Variants in ME1 observed in about 807,000 individuals in gnomAD.
ME1 encodes NADP-dependent malic enzyme.
In ME1, 74 loss-of-function variants were observed where a neutral mutation model predicts 66.4. The ratio of observed to expected loss-of-function variants is 1.11; its 90% CI spans 0.92 to 1.35. The LOEUF is 1.35. ME1 is among the 40% of genes most tolerant of loss of function. The pLI is 0.00. For synonymous variants in ME1, 251 were observed against 235.6 expected (o/e 1.07, Z -0.60); for missense variants, 750 against 694.1 (o/e 1.08, Z -0.90).
chr6:83,305,024 G>A (rs946264410), intron 6 of ME1, among the ~76,000 whole-genome samples: 5 of 152,092 alleles, frequency 3.3e-5, no homozygotes, highest in Admixed American at 3.3e-4. Flanking sequence ...ACCATGTGCT[G>A]ATGGCTCTCC....
intron 1 of ME1, 67 bp downstream of exon 1, chr6:83,430,810 C>T: frequency 7.2e-7 from 1 of 1,382,572 alleles, no homozygotes; most frequent in Non-Finnish European, 1.0e-6. Context: ...GGTGCGGGGA[C>T]CTGCAAGAGG....
chr6:83,225,534 T>G (rs1443261194), intron 11 of ME1, among the ~76,000 whole-genome samples: 1 of 152,056 alleles, frequency 6.6e-6, no homozygotes, highest in East Asian at 1.9e-4. Flanking sequence ...ATATACCTTT[T>G]AGTTGTTCTT....
chr6:83,312,606 G>A (rs1195631191), intron 6 of ME1, among the ~76,000 whole-genome samples: 8 of 152,154 alleles, frequency 5.3e-5, no homozygotes, highest in Admixed American at 3.9e-4. Context: ...AGGTTGATGG[G>A]CAGAAATTAG....
intron 9 of ME1, among the ~76,000 whole-genome samples, chr6:83,235,167 AG>A (rs1289294186): frequency 1.2e-4 from 19 of 152,168 alleles, no homozygotes; most frequent in African/African-American, 4.6e-4. Context: ...TATCTTCCTC[AG>A]TACTCCCATC....
intron 6 of ME1, among the ~76,000 whole-genome samples, chr6:83,270,585 T>C (rs12190680): frequency 0.071 from 10,737 of 152,108 alleles, 467 homozygotes; most frequent in Admixed American, 0.097. Flanking sequence ...ACTGGGATTT[T>C]GCAAAAATAG....
At chr6:83,310,595 A>G (rs1767912110) in intron 6 of ME1, among the ~76,000 whole-genome samples, 2 of 152,142 alleles carry the variant, frequency 1.3e-5, no homozygotes, top group African/African-American at 4.8e-5. Context: ...CTGGTAGAAG[A>G]TGGAGCACAT....
intron 9 of ME1, among the ~76,000 whole-genome samples, chr6:83,236,789 G>A (rs77275992): frequency 2.0e-3 from 308 of 152,230 alleles, no homozygotes; most frequent in Non-Finnish European, 3.8e-3. Flanking sequence ...GTAAAGGGTA[G>A]CTATTTCATT....
intron 3 of ME1, among the ~76,000 whole-genome samples, chr6:83,380,173 T>C (rs765140528): frequency 5.3e-5 from 8 of 152,010 alleles, no homozygotes; most frequent in Non-Finnish European, 1.0e-4. Context: ...GAAAAGAAAG[T>C]CAGTTACTAC....
chr6:83,290,336 C>T (rs1350734869), intron 6 of ME1, among the ~76,000 whole-genome samples: 4 of 152,066 alleles, frequency 2.6e-5, no homozygotes, highest in African/African-American at 9.7e-5. Flanking sequence ...TGTCTTTGTT[C>T]TAGTTGGTTT....
In ME1 at chr6:83,223,777, A is replaced by G. The variant is rs1455828177; in HGVS notation, c.1432T>C (p.Phe478Leu). ...TACAATACCTCAGCAGTAGTGAGGA[A>G]AATATTATCTGTGATCTGCCTCAAT... ...CGLRQITDNI[F>L]LTTAEVIAQQ... The change falls in exon 12 of 14, where the codon TTC becomes CTC. Residue 478 changes from phenylalanine to leucine, a missense_variant. By Grantham distance (22) the Phe-to-Leu change is conservative (BLOSUM62 0). Transcript: ENST00000369705. 2 of 1,613,636 alleles carry G rather than the reference A, an allele frequency of 1.2e-6. No individual in the cohort carries two copies. The highest frequency in any genetic ancestry group is 1.7e-6 in the Non-Finnish European group (2 of 1,179,754).
At chr6:83,315,715 C>G (rs1373263320) in intron 5 of ME1, among the ~76,000 whole-genome samples, 3 of 152,016 alleles carry the variant, frequency 2.0e-5, no homozygotes, top group Non-Finnish European at 2.9e-5. Flanking sequence ...TGGGTAACAA[C>G]AGTGAAACCC....
chr6:83,327,008 G>C lies in ME1; in HGVS notation c.601-11595C>G, dbSNP rs576205907. 3.3e-5 allele frequency among the ~76,000 whole-genome samples: 5 copies of C among 152,280 alleles called. No individual in the cohort carries two copies. The East Asian group carries it at 9.7e-4, about 29-fold the overall frequency. On this transcript the variant is annotated intron_variant, in intron 5 of 13. Coordinates refer to ENST00000369705, the MANE Select transcript of ME1 (RefSeq NM_002395.6). ...TAGACATTTATTAGTTCCCCAAATT[G>C]ATACTTTTATAATTTCTTATGCCTG...
In ME1 at chr6:83,280,198, A is replaced by G. The variant is rs1767261868; in HGVS notation, c.705-26460T>C. On this transcript the variant is annotated intron_variant, in intron 6 of 13. Transcript: ENST00000369705. ...AGGAAGAGCATTAGAGAAGAAATAC[A>G]TTAAGGTAAAATAAAATATTTTTCT... 2.0e-5 allele frequency among the ~76,000 whole-genome samples: 3 copies of G among 152,190 alleles called. No individual in the cohort carries two copies. The South Asian group carries it at 6.2e-4, about 31-fold the overall frequency.
intron 6 of ME1, among the ~76,000 whole-genome samples, chr6:83,303,984 T>G (rs1321779627): frequency 6.6e-6 from 1 of 152,182 alleles, no homozygotes; most frequent in Non-Finnish European, 1.5e-5. Flanking sequence ...CCAGCCTACA[T>G]CTTTTAACTA....
At chr6:83,233,656 A>G (rs979457221) in intron 9 of ME1, among the ~76,000 whole-genome samples, 1 of 151,998 alleles carries the variant, frequency 6.6e-6, no homozygotes, top group African/African-American at 2.4e-5. Context: ...AGTTTCACCA[A>G]GAAAATTTTT....
In ME1 at chr6:83,407,784, T is replaced by A. The variant is rs769181577; in HGVS notation, c.196A>T (p.Asn66Tyr). 6 of 1,606,880 alleles carry A rather than the reference T, an allele frequency of 3.7e-6. No homozygotes were observed. The highest frequency in any genetic ancestry group is 1.7e-4 in the Middle Eastern group (1 of 6,044). ...ATGTGTTACCTGTCAAAGTCAGAGT[T>A]CAGATGCTCGAAATTTTTTACTACT... Reference protein sequence around the residue: ...LRVVKNFEHLNSDFDRYLLLM... With the variant: ...LRVVKNFEHLYSDFDRYLLLM... Residue 66 changes from asparagine to tyrosine, a missense_variant, in exon 2 of 14, where the codon AAC (asparagine) becomes TAC (tyrosine). By Grantham distance (143) the Asn-to-Tyr change is moderately radical. Transcript: ENST00000369705.
chr6:83,415,590 A>G lies in ME1; in HGVS notation c.79-7689T>C, dbSNP rs149720555. On this transcript the variant is annotated intron_variant, in intron 1 of 13. Transcript: ENST00000369705. ...GGTTCTGTGTAGTTCTATTTTGAATAACCAAATCACCGAATTCAAATTTCA... is the reference window on the plus strand; with the variant it reads ...GGTTCTGTGTAGTTCTATTTTGAATGACCAAATCACCGAATTCAAATTTCA... Among the ~76,000 whole-genome samples the G allele has an allele frequency of 6.8e-3, 1,030 of 152,338 alleles. 9 individuals are homozygous for G. Among genetic ancestry groups the G allele is most frequent in the Middle Eastern group, 0.014 (4 of 294 alleles).
At chr6:83,269,021 C>T (rs1767039704) in intron 6 of ME1, among the ~76,000 whole-genome samples, 2 of 152,012 alleles carry the variant, frequency 1.3e-5, no homozygotes, top group African/African-American at 4.8e-5. Context: ...CACGAGTAAG[C>T]TTGGTGGTAT....
chr6:83,214,132 A>T (rs182942847), intron 13 of ME1, among the ~76,000 whole-genome samples: 92 of 152,336 alleles, frequency 6.0e-4, no homozygotes, highest in African/African-American at 2.2e-3. Flanking sequence ...GAATATTTCC[A>T]TCACCCCAAA....
Sources: gnomAD v4.1 joint callset for allele counts (sites outside exome capture counted in the v4.1 genomes callset) on GRCh38, gnomAD v4.1.1 for gene constraint, MANE v1.5 for transcripts, NCBI Gene and HGNC (gene_info 2026-07-23, HGNC 2026-07-21) for gene names.